The following DMD variants were observed in gnomAD, a reference collection of about 807,000 sequenced individuals.
The protein encoded by DMD is mutant dystrophin.
Under a neutral mutation model 330.1 loss-of-function variants are expected in DMD, and 63 were observed. The observed-to-expected ratio is 0.19, with a 90% CI of 0.16 to 0.24. The LOEUF (loss-of-function observed/expected upper bound fraction) is 0.24, where lower values mean the gene tolerates loss of function less well. Ranked by LOEUF, DMD falls within the 10% of genes least tolerant of loss-of-function variation. The pLI, the probability that DMD is intolerant of heterozygous loss-of-function variation, is 1.00. For synonymous variants in DMD, 1,223 were observed against 959.8 expected (o/e 1.27, Z -5.07); for missense variants, 3,344 against 2,684.1 (o/e 1.25, Z -5.43).
At chrX:32,839,359 C>A (rs1217378914) in intron 4 of DMD, among the ~76,000 whole-genome samples, 1 of 111,797 alleles carries the variant, frequency 8.9e-6, no homozygotes, top group Non-Finnish European at 1.9e-5. Context: ...ACCAAAAGGT[C>A]TTCTCAGACC....
chrX:31,812,609 T>C (rs1471533357), intron 50 of DMD, among the ~76,000 whole-genome samples: 1 of 110,646 alleles, frequency 9.0e-6, no homozygotes. Flanking sequence ...ATAAAACAAA[T>C]AAAAAGGTAT....
At chrX:31,882,358 C>A (rs1321066315) in intron 47 of DMD, among the ~76,000 whole-genome samples, 2 of 111,523 alleles carry the variant, frequency 1.8e-5, no homozygotes, top group East Asian at 2.8e-4. Context: ...AAAACATGAA[C>A]CTTGACTCTC....
chrX:31,154,318 C>T (rs1242130381), intron 74 of DMD, among the ~76,000 whole-genome samples: 16 of 109,096 alleles, frequency 1.5e-4, no homozygotes, highest in South Asian at 8.0e-4. Flanking sequence ...TTTTTTGAGA[C>T]GGAATCTCGC....
intron 28 of DMD, among the ~76,000 whole-genome samples, chrX:32,439,838 A>G (rs1223040245): frequency 1.8e-5 from 2 of 111,632 alleles, no homozygotes; most frequent in Non-Finnish European, 1.9e-5. Context: ...ACCACAACAT[A>G]GAAATAAAAG....
intron 7 of DMD, among the ~76,000 whole-genome samples, chrX:32,718,805 C>A (rs1179232319): frequency 8.9e-6 from 1 of 112,095 alleles, no homozygotes; most frequent in Non-Finnish European, 1.9e-5. Flanking sequence ...CTTTAAAAGA[C>A]TTTCCTTATT....
At chrX:32,767,787 A>G (rs145524098) in intron 7 of DMD, among the ~76,000 whole-genome samples, 3 of 112,038 alleles carry the variant, frequency 2.7e-5, no homozygotes, top group African/African-American at 9.7e-5. Context: ...TCAAAAATAC[A>G]TTAATTCAGA....
chrX:31,830,322 C>A (rs2092993865), intron 49 of DMD, among the ~76,000 whole-genome samples: 1 of 112,889 alleles, frequency 8.9e-6, no homozygotes, highest in African/African-American at 3.2e-5. Flanking sequence ...TGGCTGGGTG[C>A]AGTGGCTCAC....
chrX:31,404,120 C>T (rs554271411), intron 60 of DMD, among the ~76,000 whole-genome samples: 1 of 110,459 alleles, frequency 9.1e-6, no homozygotes, highest in Middle Eastern at 4.6e-3. Context: ...TCTAAAGTAA[C>T]CCCATGGGAA....
intron 11 of DMD, among the ~76,000 whole-genome samples, chrX:32,619,164 A>G (rs891510317): frequency 1.8e-5 from 2 of 111,564 alleles, no homozygotes; most frequent in African/African-American, 6.5e-5. Flanking sequence ...TTGCAACAAC[A>G]TGGATGAACC....
chrX:32,594,456 T>G (rs808545), intron 13 of DMD, among the ~76,000 whole-genome samples: 1 of 110,143 alleles, frequency 9.1e-6, no homozygotes, highest in Non-Finnish European at 1.9e-5. Context: ...TCTGCTCTAA[T>G]AAAAAGCCTG....
intron 62 of DMD, among the ~76,000 whole-genome samples, chrX:31,276,451 T>C (rs1489581956): frequency 9.0e-6 from 1 of 111,138 alleles, no homozygotes; most frequent in Non-Finnish European, 1.9e-5. Context: ...CAACACAGGG[T>C]TAGAAAGGAT....
chrX:32,093,918 T>C (rs1392518014), intron 44 of DMD, among the ~76,000 whole-genome samples: 1 of 110,706 alleles, frequency 9.0e-6, no homozygotes, highest in African/African-American at 3.3e-5. Context: ...TAACCCTCCT[T>C]TAAAAAAAAA....
chrX:31,496,671 G>T, intron 57 of DMD, 117 bp downstream of exon 57: 1 of 867,169 alleles, frequency 1.2e-6, no homozygotes, highest in Non-Finnish European at 1.6e-6. Flanking sequence ...ACCCTTGGGT[G>T]AGAAGAGTAA....
At chrX:32,334,666 C>T (rs962325065) in intron 41 of DMD, among the ~76,000 whole-genome samples, 1 of 111,118 alleles carries the variant, frequency 9.0e-6, no homozygotes, top group African/African-American at 3.3e-5. Flanking sequence ...GATGTTCTTC[C>T]CATTTTTTTC....
chrX:31,259,602 G>T (rs774248994), intron 63 of DMD, among the ~76,000 whole-genome samples: 5 of 112,046 alleles, frequency 4.5e-5, no homozygotes, highest in Non-Finnish European at 7.5e-5. Context: ...TACTCGAAAT[G>T]TATTGGATCT....
intron 62 of DMD, among the ~76,000 whole-genome samples, chrX:31,281,775 G>C (rs1004653304): frequency 9.0e-6 from 1 of 111,510 alleles, no homozygotes; most frequent in Non-Finnish European, 1.9e-5. Flanking sequence ...AAAACAATAT[G>C]AGTTAAGATC....
intron 51 of DMD, among the ~76,000 whole-genome samples, chrX:31,737,833 T>A (rs1360510806): frequency 8.9e-6 from 1 of 111,763 alleles, no homozygotes; most frequent in African/African-American, 3.2e-5. Context: ...TTTGGCAGAT[T>A]TGGCTAGAGA....
intron 18 of DMD, among the ~76,000 whole-genome samples, chrX:32,508,107 A>G (rs765728239): frequency 9.0e-6 from 1 of 111,084 alleles, no homozygotes; most frequent in African/African-American, 3.3e-5. Context: ...AGATATCACA[A>G]GGAATGCCGG....
At position 32,539,144 on chromosome X, in the gene DMD, G is replaced by T. The variant is rs758289637; in HGVS notation, c.2168+6015C>A. Among the ~76,000 whole-genome samples, 8 of 105,897 alleles carry T rather than the reference G, an allele frequency of 7.6e-5. No individual in the cohort carries two copies. In the East Asian group the frequency reaches 2.4e-3, roughly 32 times the overall value. The allele number at this position is 105,897 out of a possible 115,157, so 92.0% of individuals were successfully genotyped here. ...AATAGATGGTTATCTTTTTGAGGAT[G>T]TGAAGATGGTATGCAAGATTTCTAT... On this transcript the variant is annotated intron_variant, in intron 17 of 78. Coordinates refer to ENST00000357033, the MANE Select transcript of DMD (RefSeq NM_004006.3).
Sources: allele counts gnomAD v4.1 joint callset (sites outside exome capture counted in the v4.1 genomes callset), GRCh38; gene constraint gnomAD v4.1.1; transcripts MANE v1.5; gene names NCBI Gene and HGNC (gene_info 2026-07-23, HGNC 2026-07-21).